The following JMJD1C variants were observed in gnomAD, a reference collection of about 807,000 sequenced individuals.
JMJD1C encodes the protein jumonji domain containing 1C, also known as jumonji domain-containing protein 1C.
In JMJD1C, 31 loss-of-function variants were observed where a neutral mutation model predicts 245.3. The ratio of observed to expected loss-of-function variants is 0.13; its 90% CI spans 0.09 to 0.17. JMJD1C has a LOEUF of 0.17. Ranked by LOEUF, JMJD1C falls within the 10% of genes least tolerant of loss-of-function variation. The probability of loss-of-function intolerance (pLI) is 1.00; values close to 1 mark genes in which losing one functional copy is unlikely to be tolerated. For synonymous variants in JMJD1C, 1,057 were observed against 1,017.4 expected (o/e 1.04, Z -0.74); for missense variants, 2,691 against 3,000.2 (o/e 0.90, Z 2.41).
Position 63,167,538 on chromosome 10 carries a change from T to C in JMJD1C, c.*507A>G, listed in dbSNP as rs1841967241. The C allele has an allele frequency of 6.5e-6, 1 of 152,954 alleles. No individual in the cohort carries two copies. The highest frequency in any genetic ancestry group is 2.1e-4 in the South Asian group (1 of 4,848). The allele number at this position is 152,954 out of a possible 1,614,324, so 9.5% of individuals were successfully genotyped here. A position where few individuals can be genotyped will look rare whatever the true frequency, so the allele number is the denominator to read the frequency against. On this transcript the variant is annotated 3_prime_UTR_variant, in exon 26 of 26. Coordinates refer to ENST00000399262, the MANE Select transcript of JMJD1C (RefSeq NM_032776.3). ...TATCTACTTTATATACTTTATACTT[T>C]ACAAATTTTACAATTATTTGGCAGT...
intron 1 of JMJD1C, among the ~76,000 whole-genome samples, chr10:63,520,037 A>C (rs1955159257): frequency 6.6e-6 from 1 of 152,222 alleles, no homozygotes; most frequent in Non-Finnish European, 1.5e-5. Context: ...TCCTGAAATA[A>C]AAAGTCTTGA....
intron 1 of JMJD1C, among the ~76,000 whole-genome samples, chr10:63,422,162 A>G (rs929863615): frequency 6.6e-6 from 1 of 152,244 alleles, no homozygotes; most frequent in Admixed American, 6.5e-5. Context: ...TTGTAAACCC[A>G]GCACTTTGGA....
At chr10:63,322,042 G>A (rs1223832678) in intron 2 of JMJD1C, among the ~76,000 whole-genome samples, 2 of 152,194 alleles carry the variant, frequency 1.3e-5, no homozygotes, top group African/African-American at 4.8e-5. Flanking sequence ...TTCATTCATT[G>A]TAATGATGAA....
chr10:63,335,976 C>A (rs1201847210), intron 2 of JMJD1C, among the ~76,000 whole-genome samples: 3 of 150,984 alleles, frequency 2.0e-5, no homozygotes, highest in Non-Finnish European at 4.4e-5. Context: ...CAAAAATTAG[C>A]CAGGCGAGGT....
intron 2 of JMJD1C, among the ~76,000 whole-genome samples, chr10:63,275,275 T>A (rs899955148): frequency 1.3e-5 from 2 of 152,214 alleles, no homozygotes; most frequent in African/African-American, 2.4e-5. Context: ...TTGGCATGGG[T>A]GGCAGAGAGC....
chr10:63,292,144 A>ATTCTTTTTTTTTTTTTTTTTT (rs1858837031), intron 2 of JMJD1C, among the ~76,000 whole-genome samples: 1 of 56,326 alleles, frequency 1.8e-5, no homozygotes, highest in Non-Finnish European at 3.2e-5. Flanking sequence ...GTAGAGACAG[A>ATTCTTTTTTTTTTTTTTTTTT]TTTTTTTTTT....
At chr10:63,502,461 A>C (rs1242131419) in intron 1 of JMJD1C, among the ~76,000 whole-genome samples, 1 of 151,856 alleles carries the variant, frequency 6.6e-6, no homozygotes, top group Non-Finnish European at 1.5e-5. Flanking sequence ...ACATAGTGAA[A>C]CCCCCGTCTC....
intron 2 of JMJD1C, among the ~76,000 whole-genome samples, chr10:63,290,806 A>C (rs892096578): frequency 3.9e-5 from 6 of 152,188 alleles, no homozygotes; most frequent in Admixed American, 2.6e-4. Context: ...AATAATGAAG[A>C]GGACTGGCTG....
intron 2 of JMJD1C, among the ~76,000 whole-genome samples, chr10:63,350,863 C>T (rs1296871361): frequency 3.9e-5 from 6 of 152,020 alleles, no homozygotes; most frequent in Admixed American, 3.9e-4. Flanking sequence ...TCAAGATCCG[C>T]CCACCTTGGC....
At position 63,209,074 on chromosome 10, in the gene JMJD1C, A is replaced by C; in HGVS notation, c.2856T>G (p.Asp952Glu). The change falls in exon 9 of 26, where the codon GAT (aspartate) becomes GAG (glutamate). Residue 952 changes from aspartate to glutamate, a missense_variant. By Grantham distance (45) the Asp-to-Glu change is conservative. Transcript: ENST00000399262. ...SSPPLTKTLV[D>E]HHKEELERKA... is the part of the protein sequence containing the mutation. ...ACTGGTGAACTTACTCCTTATGATG[A>C]TCTACTAAAGTTTTTGTCAATGGTG... The C allele has an allele frequency of 6.2e-7, 1 of 1,612,346 alleles. No individual in the cohort carries two copies. The highest frequency in any genetic ancestry group is 8.5e-7 in the Non-Finnish European group (1 of 1,179,162).
intron 2 of JMJD1C, among the ~76,000 whole-genome samples, chr10:63,340,230 C>G (rs759471263): frequency 6.6e-6 from 1 of 152,056 alleles, no homozygotes; most frequent in East Asian, 1.9e-4. Flanking sequence ...ATTCAGCAAC[C>G]CTGAGGGAAA....
At chr10:63,203,619 T>A (rs906206505) in intron 10 of JMJD1C, 5 of 960,154 alleles carry the variant, frequency 5.2e-6, no homozygotes. Context: ...AAATGTAAGA[T>A]AGAAGTAAAT....
intron 1 of JMJD1C, among the ~76,000 whole-genome samples, chr10:63,393,534 T>G (rs1438102920): frequency 6.6e-6 from 1 of 152,180 alleles, no homozygotes; most frequent in African/African-American, 2.4e-5. Flanking sequence ...ATCTCACTAC[T>G]GGGTATTTAT....
chr10:63,346,919 T>G (rs982104348), intron 2 of JMJD1C, among the ~76,000 whole-genome samples: 1 of 152,112 alleles, frequency 6.6e-6, no homozygotes, highest in African/African-American at 2.4e-5. Context: ...TGGGAAAAAG[T>G]GAAAGTCCTA....
intron 1 of JMJD1C, among the ~76,000 whole-genome samples, chr10:63,430,619 G>A (rs10995534): frequency 0.029 from 4,442 of 152,240 alleles, 234 homozygotes; most frequent in African/African-American, 0.1. Context: ...GACTGCTAAC[G>A]GATAGTGAGT....
intron 1 of JMJD1C, among the ~76,000 whole-genome samples, chr10:63,407,028 A>T (rs1434810058): frequency 6.6e-6 from 1 of 152,200 alleles, no homozygotes; most frequent in Non-Finnish European, 1.5e-5. Context: ...ATCTAAAGCC[A>T]AATATTAGGG....
chr10:63,268,944 T>G (rs1855962323), intron 2 of JMJD1C: 1 of 985,702 alleles, frequency 1.0e-6, no homozygotes. Context: ...ATTTTCTGTC[T>G]GCTCTGGCTC....
chr10:63,499,240 A>T (rs1954460620), intron 1 of JMJD1C, among the ~76,000 whole-genome samples: 1 of 152,234 alleles, frequency 6.6e-6, no homozygotes, highest in South Asian at 2.1e-4. Context: ...ACTCAGAAGC[A>T]GGATTGCTGG....
In JMJD1C at chr10:63,206,676, C is replaced by T; in HGVS notation, c.4993G>A (p.Glu1665Lys). Residue 1665 changes from glutamate to lysine, a missense_variant, in exon 10 of 26, where the codon GAA becomes AAA. Coordinates refer to ENST00000399262, the MANE Select transcript of JMJD1C (RefSeq NM_032776.3). ...ACTCCATTGGGTTTCAAATCTTCTTCTATTTCACCTTTTCTCTTTTGCAAA... is the reference window on the plus strand; with the variant it reads ...ACTCCATTGGGTTTCAAATCTTCTTTTATTTCACCTTTTCTCTTTTGCAAA... ...NDLQKRKGEI[E>K]EDLKPNGVLS... 6.2e-7 allele frequency: 1 copy of T among 1,613,152 alleles called. No homozygotes were observed. Among genetic ancestry groups the T allele is most frequent in the South Asian group, 1.1e-5 (1 of 90,878 alleles).
Sources: allele counts gnomAD v4.1 joint callset (sites outside exome capture counted in the v4.1 genomes callset), GRCh38; gene constraint gnomAD v4.1.1; transcripts MANE v1.5; gene names NCBI Gene and HGNC (gene_info 2026-07-23, HGNC 2026-07-21).